PDZRN4: variants seen among roughly 807,000 people sequenced by gnomAD.
PDZRN4 encodes PDZ domain-containing RING finger protein 4.
In PDZRN4, 70 loss-of-function variants were observed where a neutral mutation model predicts 99.0. The observed-to-expected ratio is 0.71, with a 90% CI of 0.58 to 0.86. The LOEUF (loss-of-function observed/expected upper bound fraction) is 0.86, where lower values mean the gene tolerates loss of function less well. Among genes scored for constraint, PDZRN4 ranks in the 40% least tolerant of loss-of-function variants. The pLI, the probability that PDZRN4 is intolerant of heterozygous loss-of-function variation, is 0.00. For synonymous variants in PDZRN4, 551 were observed against 501.6 expected (o/e 1.10, Z -1.32); for missense variants, 1,474 against 1,331.2 (o/e 1.11, Z -1.67).
At chr12:41,486,899 C>T (rs1194053267) in intron 3 of PDZRN4, among the ~76,000 whole-genome samples, 1 of 152,066 alleles carries the variant, frequency 6.6e-6, no homozygotes, top group Non-Finnish European at 1.5e-5. Context: ...GGGCCTTTGC[C>T]ATGGCTGCTT....
chr12:41,398,581 A>T (rs1437638946), intron 3 of PDZRN4, among the ~76,000 whole-genome samples: 1 of 152,214 alleles, frequency 6.6e-6, no homozygotes, highest in Non-Finnish European at 1.5e-5. Context: ...ATCAAGAATT[A>T]TAATGACTTA....
intron 9 of PDZRN4, among the ~76,000 whole-genome samples, chr12:41,570,658 A>C (rs1939456353): frequency 6.6e-6 from 1 of 152,170 alleles, no homozygotes; most frequent in South Asian, 2.1e-4. Context: ...ATTATAAATA[A>C]CACGATATAT....
chr12:41,393,081 A>G (rs1952221103), intron 3 of PDZRN4, among the ~76,000 whole-genome samples: 1 of 152,192 alleles, frequency 6.6e-6, no homozygotes, highest in Non-Finnish European at 1.5e-5. Flanking sequence ...AAGATTTTCT[A>G]TTCCACTAAA....
intron 3 of PDZRN4, among the ~76,000 whole-genome samples, chr12:41,403,935 G>A (rs1390823852): frequency 6.6e-6 from 1 of 152,154 alleles, no homozygotes; most frequent in Non-Finnish European, 1.5e-5. Context: ...AGGGAGTACA[G>A]TTGTCCCTTG....
At chr12:41,562,595 GGAGTT>G (rs1939288373) in intron 7 of PDZRN4, among the ~76,000 whole-genome samples, 1 of 151,830 alleles carries the variant, frequency 6.6e-6, no homozygotes, top group South Asian at 2.1e-4. Context: ...CTGTCTCTAT[GGAGTT>G]GAGTAATCAA....
intron 9 of PDZRN4, among the ~76,000 whole-genome samples, chr12:41,569,101 CTATTCTTATTATTATCAT>C (rs1352977957): frequency 6.8e-6 from 1 of 147,892 alleles, no homozygotes; most frequent in African/African-American, 2.5e-5. Context: ...CGTGCCCTGT[CTATTCTTATTATTATCAT>C]TATTATTATT....
At chr12:41,520,561 T>A (rs1025596595) in intron 5 of PDZRN4, among the ~76,000 whole-genome samples, 3 of 151,888 alleles carry the variant, frequency 2.0e-5, no homozygotes, top group African/African-American at 7.3e-5. Flanking sequence ...ATGATCATAT[T>A]TTTGTAGTTT....
chr12:41,240,601 A>G (rs559294893), intron 3 of PDZRN4, among the ~76,000 whole-genome samples: 5 of 152,232 alleles, frequency 3.3e-5, no homozygotes, highest in Non-Finnish European at 7.3e-5. Flanking sequence ...AGTACCATAA[A>G]TTAGGTGGCT....
chr12:41,563,162 G>A (rs957285695), intron 7 of PDZRN4, among the ~76,000 whole-genome samples: 3 of 152,080 alleles, frequency 2.0e-5, no homozygotes, highest in African/African-American at 4.8e-5. Flanking sequence ...GCAGGATGAC[G>A]GATTTCAGTT....
chr12:41,264,918 C>G (rs1021988086), intron 3 of PDZRN4, among the ~76,000 whole-genome samples: 1 of 151,942 alleles, frequency 6.6e-6, no homozygotes, highest in South Asian at 2.1e-4. Context: ...GATGGAAACA[C>G]TAGACACTGG....
At chr12:41,290,704 T>C (rs1951451920) in intron 3 of PDZRN4, among the ~76,000 whole-genome samples, 1 of 152,132 alleles carries the variant, frequency 6.6e-6, no homozygotes, top group Admixed American at 6.5e-5. Context: ...TATAATTTCA[T>C]ATATTTACCC....
At chr12:41,359,942 T>C (rs1464783969) in intron 3 of PDZRN4, among the ~76,000 whole-genome samples, 1 of 152,020 alleles carries the variant, frequency 6.6e-6, no homozygotes, top group Non-Finnish European at 1.5e-5. Flanking sequence ...TTGCTATTCA[T>C]AGTAATACTA....
In PDZRN4 at chr12:41,540,599, G is replaced by T. The variant is rs368496895; in HGVS notation, c.1204-12057G>T. Among the ~76,000 whole-genome samples the T allele has an allele frequency of 8.5e-5, 13 of 152,124 alleles. 1 individual carries two copies. In the East Asian group the frequency reaches 1.5e-3, roughly 18 times the overall value. On this transcript the variant is annotated intron_variant, in intron 5 of 9. Coordinates refer to ENST00000402685, the MANE Select transcript of PDZRN4 (RefSeq NM_001164595.2). The stretch of plus-strand genomic sequence containing the variant: ...AATTGTCATTCCTCATCAGCATATA[G>T]GTCCATCATAAAGCATGATAAATGG...
intron 2 of PDZRN4, among the ~76,000 whole-genome samples, chr12:41,193,088 T>C (rs763230179): frequency 3.9e-5 from 6 of 152,224 alleles, no homozygotes; most frequent in Non-Finnish European, 7.3e-5. Context: ...TTCTTCCTTG[T>C]TTTTAGTATT....
chr12:41,404,244 C>G (rs1952326085), intron 3 of PDZRN4, among the ~76,000 whole-genome samples: 1 of 151,994 alleles, frequency 6.6e-6, no homozygotes. Flanking sequence ...ATTCGGAAGA[C>G]CAACTGTAAA....
At chr12:41,565,290 T>C (rs1199724196) in intron 8 of PDZRN4, among the ~76,000 whole-genome samples, 1 of 152,034 alleles carries the variant, frequency 6.6e-6, no homozygotes, top group Non-Finnish European at 1.5e-5. Context: ...ATTAGCCCCT[T>C]GATCCTAAAG....
chr12:41,563,452 T>C, intron 7 of PDZRN4, 96 bp from the exon 8 acceptor site: 1 of 878,710 alleles, frequency 1.1e-6, no homozygotes, highest in Non-Finnish European at 1.9e-6. Flanking sequence ...AGCTTCATTG[T>C]CCATACATTT....
Position 41,314,141 on chromosome 12 carries a change from C to G in PDZRN4, c.843+119953C>G, listed in dbSNP as rs189259946. 2.1e-3 allele frequency among the ~76,000 whole-genome samples: 316 copies of G among 152,212 alleles called. 2 individuals carry two copies. Among genetic ancestry groups the G allele is most frequent in the African/African-American group, 6.9e-3 (288 of 41,532 alleles). ...CAGGTTTTATTATTATAAGTATGAACAGCTTTTAGGTAAGGATAACCTGTA... is the reference window on the plus strand; with the variant it reads ...CAGGTTTTATTATTATAAGTATGAAGAGCTTTTAGGTAAGGATAACCTGTA... On this transcript the variant is annotated intron_variant, in intron 3 of 9. Transcript: ENST00000402685.
intron 3 of PDZRN4, among the ~76,000 whole-genome samples, chr12:41,198,246 C>T (rs1052330124): frequency 6.6e-6 from 1 of 152,016 alleles, no homozygotes; most frequent in African/African-American, 2.4e-5. Flanking sequence ...ATACTGATAG[C>T]AGGCAATGCA....
Sources: allele counts gnomAD v4.1 joint callset (sites outside exome capture counted in the v4.1 genomes callset), GRCh38; gene constraint gnomAD v4.1.1; transcripts MANE v1.5; gene names NCBI Gene and HGNC (gene_info 2026-07-23, HGNC 2026-07-21).